The following ANKS1B variants were observed in gnomAD, a reference collection of about 807,000 sequenced individuals.
ANKS1B encodes the protein ankyrin repeat and sterile alpha motif domain-containing protein 1B.
In ANKS1B, 36 loss-of-function variants were observed where a neutral mutation model predicts 148.3. That is an observed-to-expected ratio of 0.24 (90% CI 0.19 to 0.32). The LOEUF is 0.32. Among genes scored for constraint, ANKS1B ranks in the 10% least tolerant of loss-of-function variants. The pLI, the probability that ANKS1B is intolerant of heterozygous loss-of-function variation, is 1.00. For synonymous variants in ANKS1B, 542 were observed against 560.8 expected (o/e 0.97, Z 0.47); for missense variants, 1,157 against 1,542.6 (o/e 0.75, Z 4.19).
At chr12:99,934,473 G>C (rs1261940624) in intron 1 of ANKS1B, among the ~76,000 whole-genome samples, 1 of 152,012 alleles carries the variant, frequency 6.6e-6, no homozygotes. Flanking sequence ...TCAAGTTTTG[G>C]ATTTCTTCAT....
rs895433714 is a variant in ANKS1B at position 99,503,402 on chromosome 12, G to A, written c.1438+1074C>T. Among the ~76,000 whole-genome samples the A allele has an allele frequency of 1.8e-4, 28 of 152,086 alleles. No homozygotes were observed. In the South Asian group the frequency reaches 2.5e-3, roughly 14 times the overall value. The stretch of plus-strand genomic sequence containing the variant: ...ATATTCATAACCATGCTGTCTTCTC[G>A]CTACTCTGTGGGGAAGCAAGGTCTG... On this transcript the variant is annotated intron_variant, in intron 10 of 26. Transcript: ENST00000683438.
At chr12:98,831,873 C>T (rs936824583) in intron 18 of ANKS1B, 156 bp downstream of exon 18, 12 of 681,012 alleles carry the variant, frequency 1.8e-5, no homozygotes, top group East Asian at 2.8e-5. Context: ...TCTCAGCCTC[C>T]GGAGTAGCTG....
chr12:99,036,407 A>G (rs1458110787), intron 17 of ANKS1B, among the ~76,000 whole-genome samples: 1 of 152,096 alleles, frequency 6.6e-6, no homozygotes, highest in African/African-American at 2.4e-5. Context: ...CCTTCCTTAC[A>G]CAGTTATTTC....
Position 98,962,919 on chromosome 12 carries a change from C to G in ANKS1B, c.2778+90238G>C, listed in dbSNP as rs531394000. Among the ~76,000 whole-genome samples, 4 of 152,144 alleles carry G rather than the reference C, an allele frequency of 2.6e-5. 1 individual carries two copies. The South Asian group carries it at 6.2e-4, about 24-fold the overall frequency. Reference sequence around the variant, plus strand: ...CAGGTAATAATGGAAACACAACATACCAAAACCTACGGGATACAGCGAAGC... The same window carrying G: ...CAGGTAATAATGGAAACACAACATAGCAAAACCTACGGGATACAGCGAAGC... On this transcript the variant is annotated intron_variant, in intron 17 of 26. Transcript: ENST00000683438.
At chr12:99,394,396 C>T (rs1202882726) in intron 12 of ANKS1B, among the ~76,000 whole-genome samples, 1 of 152,020 alleles carries the variant, frequency 6.6e-6, no homozygotes, top group African/African-American at 2.4e-5. Context: ...TTAAAAATTC[C>T]CCTGTGAAGA....
At chr12:99,047,293 G>A (rs981356127) in intron 17 of ANKS1B, among the ~76,000 whole-genome samples, 3 of 152,078 alleles carry the variant, frequency 2.0e-5, no homozygotes, top group Non-Finnish European at 1.5e-5. Context: ...CCAGCTACTT[G>A]AGAGGCTGAG....
chr12:99,316,970 A>G (rs1436447657), intron 12 of ANKS1B, among the ~76,000 whole-genome samples: 1 of 152,216 alleles, frequency 6.6e-6, no homozygotes, highest in Non-Finnish European at 1.5e-5. Context: ...GTGAAAGATC[A>G]GATGGTTGTA....
At chr12:99,313,822 G>A (rs2154027235) in intron 12 of ANKS1B, among the ~76,000 whole-genome samples, 1 of 152,140 alleles carries the variant, frequency 6.6e-6, no homozygotes, top group East Asian at 1.9e-4. Context: ...TATTGAATGG[G>A]CAAAAGCTGG....
At position 99,895,349 on chromosome 12, in the gene ANKS1B, G is replaced by A. The variant is rs569151014; in HGVS notation, c.135-69960C>T. Among the ~76,000 whole-genome samples, 16 of 150,140 alleles carry A rather than the reference G, an allele frequency of 1.1e-4. 1 individual carries two copies. The highest frequency in any genetic ancestry group is 1.9e-4 in the Non-Finnish European group (13 of 67,006). ...AATAATTACTATAAGTTACCTAGAG[G>A]CTGAGAAGTCCCATGTGGCGAAATC... On this transcript the variant is annotated intron_variant, in intron 1 of 26. Transcript: ENST00000683438.
At chr12:99,663,800 T>C (rs1457267932) in intron 8 of ANKS1B, among the ~76,000 whole-genome samples, 1 of 152,156 alleles carries the variant, frequency 6.6e-6, no homozygotes, top group African/African-American at 2.4e-5. Flanking sequence ...AACAAGAAAG[T>C]AAGGATAGTC....
chr12:99,709,609 T>G (rs1256461323), intron 8 of ANKS1B, among the ~76,000 whole-genome samples: 2 of 152,064 alleles, frequency 1.3e-5, no homozygotes, highest in Non-Finnish European at 2.9e-5. Flanking sequence ...GACCCACATT[T>G]TTTGAAATCT....
At chr12:99,742,923 A>AT (rs896105206) in intron 8 of ANKS1B, among the ~76,000 whole-genome samples, 3 of 151,632 alleles carry the variant, frequency 2.0e-5, no homozygotes, top group African/African-American at 7.3e-5. Context: ...GTTAGAAGCT[A>AT]TTTTTTAGCA....
chr12:98,762,343 C>T (rs963608097), intron 25 of ANKS1B, among the ~76,000 whole-genome samples: 1 of 152,026 alleles, frequency 6.6e-6, no homozygotes, highest in African/African-American at 2.4e-5. Context: ...TATCTTTTAC[C>T]CAGTCAACTA....
At chr12:99,814,925 T>G (rs1390966739) in intron 2 of ANKS1B, among the ~76,000 whole-genome samples, 1 of 151,750 alleles carries the variant, frequency 6.6e-6, no homozygotes, top group Non-Finnish European at 1.5e-5. Flanking sequence ...AAGAAGTTAG[T>G]CAAATTAAAT....
chr12:98,749,140 C>T (rs143687696), intron 26 of ANKS1B, among the ~76,000 whole-genome samples: 3,246 of 152,190 alleles, frequency 0.021, 126 homozygotes, highest in African/African-American at 0.074. Flanking sequence ...GCTCTGTCGC[C>T]CAGGCTGGAG....
At chr12:99,689,151 G>A (rs942967737) in intron 8 of ANKS1B, among the ~76,000 whole-genome samples, 1 of 151,940 alleles carries the variant, frequency 6.6e-6, no homozygotes, top group Non-Finnish European at 1.5e-5. Flanking sequence ...TTGGTTTCTA[G>A]TTTTAAACTA....
At chr12:99,522,610 G>T (rs879289411) in intron 9 of ANKS1B, among the ~76,000 whole-genome samples, 2 of 152,152 alleles carry the variant, frequency 1.3e-5, no homozygotes, top group African/African-American at 4.8e-5. Context: ...TCAGTAAAAG[G>T]TTCTATGCTT....
At chr12:98,842,163 A>C (rs577297404) in intron 17 of ANKS1B, among the ~76,000 whole-genome samples, 2 of 152,356 alleles carry the variant, frequency 1.3e-5, no homozygotes. Flanking sequence ...AAAAATTAGC[A>C]ATAATCCAAA....
chr12:99,861,596 A>T (rs34522541), intron 1 of ANKS1B, among the ~76,000 whole-genome samples: 46,692 of 152,034 alleles, frequency 0.31, 7,576 homozygotes, highest in Non-Finnish European at 0.35. Context: ...TTATTAGAGG[A>T]ATATCTACGA....
Sources: gnomAD v4.1 joint callset for allele counts (sites outside exome capture counted in the v4.1 genomes callset) on GRCh38, gnomAD v4.1.1 for gene constraint, MANE v1.5 for transcripts, NCBI Gene and HGNC (gene_info 2026-07-23, HGNC 2026-07-21) for gene names.